TCN2: variants seen among roughly 807,000 people sequenced by gnomAD.
TCN2 encodes the protein transcobalamin 2.
A neutral mutation model predicts 48.6 loss-of-function variants in TCN2; 34 were observed. The ratio of observed to expected loss-of-function variants is 0.70; its 90% CI spans 0.53 to 0.93. The LOEUF is 0.93. TCN2 is among the 40% of genes least tolerant of loss of function. The pLI is 0.00. For synonymous variants in TCN2, 283 were observed against 212.5 expected (o/e 1.33, Z -2.89); for missense variants, 652 against 526.1 (o/e 1.24, Z -2.34).
chr22:30,623,227 T>A, intron 8 of TCN2, 144 bp downstream of exon 8: 1 of 708,734 alleles, frequency 1.4e-6, no homozygotes, highest in Non-Finnish European at 2.4e-6. Context: ...TTGGATATAA[T>A]ATATTGAACT....
At chr22:30,623,514 A>C (rs2087729888) in intron 8 of TCN2, among the ~76,000 whole-genome samples, 1 of 151,736 alleles carries the variant, frequency 6.6e-6, no homozygotes, top group Non-Finnish European at 1.5e-5. Context: ...TGCCTCCCAA[A>C]GTTCTGGGAT....
chr22:30,609,168 T>A (rs2087498787), intron 1 of TCN2, among the ~76,000 whole-genome samples: 1 of 151,936 alleles, frequency 6.6e-6, no homozygotes, highest in South Asian at 2.1e-4. Flanking sequence ...TCTTTTTTTT[T>A]TTTTTAATTT....
intron 5 of TCN2, 48 bp from the exon 6 acceptor site, chr22:30,615,553 C>T (rs778066023): frequency 9.9e-6 from 16 of 1,613,678 alleles, no homozygotes; most frequent in Admixed American, 8.3e-5. Context: ...ACACCTAGCC[C>T]CTCCCTGCCG....
At chr22:30,622,250 G>T (rs569376763) in intron 7 of TCN2, among the ~76,000 whole-genome samples, 9 of 152,342 alleles carry the variant, frequency 5.9e-5, no homozygotes, top group Admixed American at 5.2e-4. Context: ...GCCTCCCAAA[G>T]TACTGGGATT....
chr22:30,623,226 A>G (rs904141569), intron 8 of TCN2, 143 bp downstream of exon 8: 12 of 741,316 alleles, frequency 1.6e-5, no homozygotes, highest in Non-Finnish European at 2.5e-5. Flanking sequence ...GTTGGATATA[A>G]TATATTGAAC....
intron 7 of TCN2, among the ~76,000 whole-genome samples, chr22:30,622,228 C>T (rs2087709620): frequency 2.0e-5 from 3 of 152,182 alleles, no homozygotes; most frequent in Admixed American, 2.0e-4. Context: ...CTCAGGTGAT[C>T]TGCCTGCCTT....
At chr22:30,615,835 A>G in intron 6 of TCN2, 48 bp downstream of exon 6, 3 of 1,609,268 alleles carry the variant, frequency 1.9e-6, no homozygotes, top group Non-Finnish European at 2.6e-6. Context: ...TCTGCTGCGC[A>G]CCCATTGACG....
intron 8 of TCN2, 143 bp from the exon 9 acceptor site, chr22:30,626,317 T>C: frequency 1.2e-6 from 1 of 830,048 alleles, no homozygotes; most frequent in Non-Finnish European, 2.0e-6. Context: ...TGAGCAGGCT[T>C]TAGGGAGGTT....
intron 7 of TCN2, among the ~76,000 whole-genome samples, chr22:30,618,470 G>C (rs1441174414): frequency 6.6e-6 from 1 of 151,942 alleles, no homozygotes; most frequent in African/African-American, 2.4e-5. Flanking sequence ...TCCTGCCTCA[G>C]CCTCCTGAGT....
Position 30,623,692 on chromosome 22 carries a change from T to C in TCN2, c.1222+609T>C, listed in dbSNP as rs1356316708. Among the ~76,000 whole-genome samples the C allele has an allele frequency of 6.1e-5, 7 of 114,618 alleles. No individual in the cohort carries two copies. In the East Asian group the frequency reaches 8.2e-4, roughly 13 times the overall value. The allele number at this position is 114,618 out of a possible 152,430, so 75.2% of individuals were successfully genotyped here. A position where few individuals can be genotyped will look rare whatever the true frequency, so the allele number is the denominator to read the frequency against. On this transcript the variant is annotated intron_variant, in intron 8 of 8. Coordinates refer to ENST00000215838, the MANE Select transcript of TCN2 (RefSeq NM_000355.4). ...AAAATTTCATATATGTGTATACATA[T>C]ATATGAAATATATATATATACAGAC...
At chr22:30,618,477 G>C (rs1299996459) in intron 7 of TCN2, among the ~76,000 whole-genome samples, 2 of 151,848 alleles carry the variant, frequency 1.3e-5, no homozygotes, top group Non-Finnish European at 2.9e-5. Context: ...TCAGCCTCCT[G>C]AGTAGCTGGC....
At position 30,617,360 on chromosome 22, in the gene TCN2, C is replaced by A; in HGVS notation, c.971C>A (p.Pro324His). 1 of 1,614,170 alleles carries A rather than the reference C, an allele frequency of 6.2e-7. No homozygotes were observed. Among genetic ancestry groups the A allele is most frequent in the South Asian group, 1.1e-5 (1 of 91,080 alleles). Residue 324 changes from proline to histidine, a missense_variant, in exon 7 of 9, where the codon CCT becomes CAT. By Grantham distance (77) the Pro-to-His change is moderately conservative. Transcript: ENST00000215838. ...VMLEPAAETI[P>H]QTQEIISVTL... ...TTGGAACCAGCTGCTGAGACCATTC[C>A]TCAGACCCAAGAGATCATCAGTGTC... is the stretch of plus-strand genomic sequence containing the variant.
At chr22:30,615,212 A>T (rs1296393006) in intron 4 of TCN2, 89 bp from the exon 5 acceptor site, 1 of 1,441,314 alleles carries the variant, frequency 6.9e-7, no homozygotes, top group African/African-American at 1.4e-5. Context: ...GTGGTTGTCC[A>T]TAGCTACAAG....
chr22:30,623,747 C>T (rs1426705265), intron 8 of TCN2, among the ~76,000 whole-genome samples: 1 of 109,318 alleles, frequency 9.1e-6, no homozygotes, highest in Non-Finnish European at 1.8e-5. Flanking sequence ...TATATATACA[C>T]ACATATATAT....
At chr22:30,612,803 G>A (rs2087560672) in intron 2 of TCN2, 70 bp from the exon 3 acceptor site, 2 of 1,588,456 alleles carry the variant, frequency 1.3e-6, no homozygotes, top group Non-Finnish European at 1.7e-6. Flanking sequence ...TGATGCGGGT[G>A]GGGTGGGTGC....
At chr22:30,614,840 C>T (rs1190562249) in intron 4 of TCN2, among the ~76,000 whole-genome samples, 2 of 152,142 alleles carry the variant, frequency 1.3e-5, no homozygotes, top group Non-Finnish European at 2.9e-5. Flanking sequence ...ACCTGGGAGG[C>T]GGAGGCTGCA....
intron 2 of TCN2, 118 bp downstream of exon 2, chr22:30,611,181 C>T: frequency 8.0e-7 from 1 of 1,242,414 alleles, no homozygotes; most frequent in Non-Finnish European, 1.2e-6. Flanking sequence ...TTTTCTCCAT[C>T]TATAGAATGG....
At chr22:30,620,051 GA>G (rs1330211998) in intron 7 of TCN2, among the ~76,000 whole-genome samples, 1 of 152,172 alleles carries the variant, frequency 6.6e-6, no homozygotes, top group African/African-American at 2.4e-5. Context: ...TAGCTACCCA[GA>G]AGGCTGAGGT....
chr22:30,607,338 C>A lies in TCN2; in HGVS notation c.7C>A (p.His3Asn), dbSNP rs769044030. The change falls in exon 1 of 9, where the codon CAC becomes AAC. Residue 3 changes from histidine (H) to asparagine (N), a missense_variant. By Grantham distance (68) the His-to-Asn change is moderately conservative (BLOSUM62 1). Coordinates refer to ENST00000215838, the MANE Select transcript of TCN2 (RefSeq NM_000355.4). MR[H>N]LGAFLFLLGV... ...TCACCCACCTGCTGCTGCCATGAGG[C>A]ACCTTGGGGCCTTCCTCTTCCTTCT... 6.2e-7 allele frequency: 1 copy of A among 1,614,208 alleles called. No homozygotes were observed. The highest frequency in any genetic ancestry group is 8.5e-7 in the Non-Finnish European group (1 of 1,180,030).
Sources: allele counts gnomAD v4.1 joint callset (sites outside exome capture counted in the v4.1 genomes callset), GRCh38; gene constraint gnomAD v4.1.1; transcripts MANE v1.5; gene names NCBI Gene and HGNC (gene_info 2026-07-23, HGNC 2026-07-21).